Variants in RTCA observed in about 807,000 individuals in gnomAD.
RTCA encodes the protein RNA terminal phosphate cyclase domain 1.
RTCA carries 37 observed loss-of-function variants against 46.1 expected under a neutral mutation model. The observed-to-expected ratio is 0.80, with a 90% confidence interval of 0.62 to 1.06. The LOEUF (loss-of-function observed/expected upper bound fraction) is 1.06. RTCA is among the 50% of genes least tolerant of loss of function. The pLI is 0.00. For synonymous variants in RTCA, 164 were observed against 158.3 expected (o/e 1.04, Z -0.27); for missense variants, 435 against 455.5 (o/e 0.95, Z 0.41).
intron 10 of RTCA, 32 bp downstream of exon 10, chr1:100,287,235 T>C (rs1240575982): frequency 2.7e-6 from 4 of 1,485,078 alleles, no homozygotes; most frequent in South Asian, 1.3e-5. Context: ...GAAATTGATA[T>C]TTTGATTTTT....
intron 9 of RTCA, 33 bp from the exon 10 acceptor site, chr1:100,287,066 G>A (rs757757765): frequency 7.2e-7 from 1 of 1,396,322 alleles, no homozygotes; most frequent in Non-Finnish European, 9.7e-7. Flanking sequence ...ATTAATAAAT[G>A]TGTGAGGTTT....
chr1:100,290,974 A>C (rs1667321683), intron 10 of RTCA, among the ~76,000 whole-genome samples: 1 of 152,174 alleles, frequency 6.6e-6, no homozygotes, highest in Non-Finnish European at 1.5e-5. Context: ...AATTAGCAAG[A>C]AAAAATGTAA....
chr1:100,270,451 CTG>C, intron 3 of RTCA, 104 bp from the exon 4 acceptor site: 1 of 1,361,416 alleles, frequency 7.3e-7, no homozygotes, highest in South Asian at 1.5e-5. Flanking sequence ...TCACAGTTGT[CTG>C]TGCTTTAGTT....
chr1:100,285,104 T>A, intron 8 of RTCA, 124 bp from the exon 9 acceptor site: 1 of 657,318 alleles, frequency 1.5e-6, no homozygotes, highest in Non-Finnish European at 2.7e-6. Context: ...GTGCATTGAG[T>A]GGGTTTTTGA....
At chr1:100,288,408 A>G (rs186657813) in intron 10 of RTCA, among the ~76,000 whole-genome samples, 2 of 152,082 alleles carry the variant, frequency 1.3e-5, no homozygotes, top group Non-Finnish European at 2.9e-5. Context: ...AATCTTAAGC[A>G]TTTTTATTAT....
rs1269823490 is a variant in RTCA, at chr1:100,285,300, T to C, written c.872T>C (p.Val291Ala). 6.2e-7 allele frequency: 1 copy of C among 1,613,444 alleles called. No individual in the cohort carries two copies. The highest frequency in any genetic ancestry group is 8.5e-7 in the Non-Finnish European group (1 of 1,179,594). ...GCAAATCTTAGACATGGTGGTACTG[T>C]GGATGAGTATCTGCAAGACCAGGTA... is the stretch of plus-strand genomic sequence containing the variant. ...LLANLRHGGTVDEYLQDQLIV... is the reference protein window; with the variant it reads ...LLANLRHGGTADEYLQDQLIV... Residue 291 changes from valine (V) to alanine (A), a missense_variant, in exon 9 of 11, where the codon GTG becomes GCG. By Grantham distance (64) the Val-to-Ala change is moderately conservative (BLOSUM62 0). Transcript: ENST00000370128.
chr1:100,285,455 C>T, intron 9 of RTCA, 133 bp downstream of exon 9: 2 of 622,042 alleles, frequency 3.2e-6, no homozygotes, highest in Non-Finnish European at 5.5e-6. Context: ...AAAAAATATT[C>T]TGGGATTTGC....
At chr1:100,286,066 T>C (rs1667005410) in intron 9 of RTCA, among the ~76,000 whole-genome samples, 1 of 152,186 alleles carries the variant, frequency 6.6e-6, no homozygotes, top group Non-Finnish European at 1.5e-5. Flanking sequence ...CCCAAATTTA[T>C]ATCCGAAGCC....
Position 100,266,242 on chromosome 1 carries a change from CG to C in RTCA, c.-133del. On this transcript the variant is annotated 5_prime_UTR_variant, in exon 1 of 11. Coordinates refer to ENST00000370128, the MANE Select transcript of RTCA (RefSeq NM_003729.4). ...GTGTCCCGAGAGGCGCCGCTTCTTC[CG>C]CTTTCTCGTCAGGCTCCTGCGCCCC... 1.8e-6 allele frequency: 2 copies of C among 1,085,222 alleles called. No homozygotes were observed. The highest frequency in any genetic ancestry group is 2.6e-6 in the Non-Finnish European group (2 of 759,814). 67.2% of individuals were successfully genotyped at this position (1,085,222 alleles called of 1,614,324 possible). A position where few individuals can be genotyped will look rare whatever the true frequency, so the allele number is the denominator to read the frequency against.
intron 10 of RTCA, among the ~76,000 whole-genome samples, chr1:100,288,984 A>G (rs1264811821): frequency 1.3e-5 from 2 of 151,970 alleles, no homozygotes; most frequent in African/African-American, 4.8e-5. Flanking sequence ...CACCATGTCC[A>G]GCTAATTTTT....
In RTCA at chr1:100,267,559, A is replaced by G. The variant is rs1665855628; in HGVS notation, c.147-593A>G. The G allele has an allele frequency of 3.2e-6, 5 of 1,542,948 alleles. No individual in the cohort carries two copies. In the East Asian group the frequency reaches 7.4e-5, roughly 23 times the overall value. ...ACAAGGTTGGTTTCCTCTGAGAGCC[A>G]TGAGAAAAGGATCTGCTCCAGGCCT... On this transcript the variant is annotated intron_variant, in intron 2 of 10. Coordinates refer to ENST00000370128, the MANE Select transcript of RTCA (RefSeq NM_003729.4).
chr1:100,277,284 G>A lies in RTCA; in HGVS notation c.767G>A (p.Cys256Tyr), dbSNP rs1415668163. The A allele has an allele frequency of 1.2e-6, 2 of 1,612,220 alleles. No homozygotes were observed. Among genetic ancestry groups the A allele is most frequent in the Non-Finnish European group, 1.7e-6 (2 of 1,179,332 alleles). Residue 256 changes from cysteine to tyrosine, a missense_variant, in exon 8 of 11, where the codon TGT (cysteine) becomes TAT (tyrosine). Coordinates refer to ENST00000370128, the MANE Select transcript of RTCA (RefSeq NM_003729.4). ...ATTATTGCTGAGACCTCCACTGGCT[G>A]TTTGTTTGCTGGATCATCGCTTGGT... is the stretch of plus-strand genomic sequence containing the variant. ...IIIIAETSTG[C>Y]LFAGSSLGKR...
intron 8 of RTCA, among the ~76,000 whole-genome samples, chr1:100,279,706 G>C (rs1212101385): frequency 6.6e-6 from 1 of 152,068 alleles, no homozygotes; most frequent in East Asian, 1.9e-4. Flanking sequence ...TTGATCCTAA[G>C]ATGTTCAAGG....
chr1:100,274,708 A>T, intron 5 of RTCA, 116 bp from the exon 6 acceptor site: 1 of 1,152,120 alleles, frequency 8.7e-7, no homozygotes. Flanking sequence ...TAAAATATTT[A>T]GACCTTTCCA....
In RTCA at chr1:100,268,221, T is replaced by A. The variant is rs145035134; in HGVS notation, c.216T>A (p.Ile72=). Residue 72 remains isoleucine, a synonymous_variant, in exon 3 of 11, where the codon ATT becomes ATA. Coordinates refer to ENST00000370128, the MANE Select transcript of RTCA (RefSeq NM_003729.4). ...ATGGGCAACTGGAGGGGGCAGAAAT[T>A]GGCTCAACAGAAATAACCTTTACAC... ...LCDGQLEGAE[I]GSTEITFTPE... is the part of the protein sequence containing the mutation. 9.3e-6 allele frequency: 15 copies of A among 1,614,048 alleles called. No homozygotes were observed. In the African/African-American group the frequency reaches 1.9e-4, roughly 20 times the overall value.
chr1:100,270,567 C>G lies in RTCA; in HGVS notation c.301C>G (p.Leu101Val), dbSNP rs1666028772. Residue 101 changes from leucine to valine, a missense_variant, in exon 4 of 11, where the codon CTC (leucine) becomes GTC (valine). Leu to Val is a conservative substitution (Grantham distance 32). Transcript: ENST00000370128. ...CTGCCTTCTCCTTAGGAGTGTGTGC[C>G]TCTTGATGCAGGTCTCAATGCCGTG... ...ADTKTAGSVC[L>V]LMQVSMPCVL... 1 of 1,613,966 alleles carries G rather than the reference C, an allele frequency of 6.2e-7. No individual in the cohort carries two copies. Among genetic ancestry groups the G allele is most frequent in the African/African-American group, 1.3e-5 (1 of 75,040 alleles).
At chr1:100,284,171 A>C (rs909816252) in intron 8 of RTCA, among the ~76,000 whole-genome samples, 2 of 152,054 alleles carry the variant, frequency 1.3e-5, no homozygotes, top group Non-Finnish European at 2.9e-5. Flanking sequence ...GCATTCTACT[A>C]CTTGTGACAG....
At position 100,268,133 on chromosome 1, in the gene RTCA, G is replaced by T. The variant is rs753330875; in HGVS notation, c.147-19G>T. Reference sequence around the variant, plus strand: ...GCAGTCTGAATGCACACGTTTTGATGCAGTATTATGACCTGAAGGCCTCAA... The same window carrying T: ...GCAGTCTGAATGCACACGTTTTGATTCAGTATTATGACCTGAAGGCCTCAA... On this transcript the variant is annotated intron_variant, in intron 2 of 10. Transcript: ENST00000370128. 1.2e-6 allele frequency: 2 copies of T among 1,612,842 alleles called. No individual in the cohort carries two copies. Among genetic ancestry groups the T allele is most frequent in the Non-Finnish European group, 1.7e-6 (2 of 1,179,246 alleles).
At chr1:100,277,225 G>A in intron 7 of RTCA, 33 bp from the exon 8 acceptor site, 1 of 1,591,850 alleles carries the variant, frequency 6.3e-7, no homozygotes, top group Non-Finnish European at 8.6e-7. Flanking sequence ...AACATTTATA[G>A]CAAAGGTAGT....
Sources: allele counts gnomAD v4.1 joint callset (sites outside exome capture counted in the v4.1 genomes callset), GRCh38; gene constraint gnomAD v4.1.1; transcripts MANE v1.5; gene names NCBI Gene and HGNC (gene_info 2026-07-23, HGNC 2026-07-21).